Variants in LDLRAD4 observed in about 807,000 individuals in gnomAD.
The protein encoded by LDLRAD4 is low-density lipoprotein receptor class A domain-containing protein 4.
LDLRAD4 carries 5 observed loss-of-function variants against 17.0 expected under a neutral mutation model. The observed-to-expected ratio is 0.29, with a 90% CI of 0.15 to 0.62. The LOEUF (loss-of-function observed/expected upper bound fraction) is 0.62. Among genes scored for constraint, LDLRAD4 ranks in the 20% least tolerant of loss-of-function variants. The probability of loss-of-function intolerance (pLI) is 0.84; values close to 1 mark genes in which losing one functional copy is unlikely to be tolerated. For missense variants in LDLRAD4, 340 were observed against 424.7 expected (o/e 0.80, Z 1.75); for synonymous variants, 168 against 171.8 (o/e 0.98, Z 0.17).
chr18:13,300,561 T>C lies in LDLRAD4; in HGVS notation c.-383+22373T>C, dbSNP rs1360567941. 6.6e-6 allele frequency among the ~76,000 whole-genome samples: 1 copy of C among 152,194 alleles called. No individual in the cohort carries two copies. The highest frequency in any genetic ancestry group is 6.5e-5 in the Admixed American group (1 of 15,284). ...CCCGGTAGAGATACCCGGAACCCTC[T>C]CCTTCTCCTGGCTTATTTCGGGGTG... On this transcript the variant is annotated intron_variant, in intron 1 of 5. Transcript: ENST00000359446. This position sits in a 1 kb window ranked among gnomAD's most constrained non-coding sequence, Gnocchi z 4.2.
intron 2 of LDLRAD4, among the ~76,000 whole-genome samples, chr18:13,392,664 C>T (rs1322165187): frequency 2.0e-5 from 3 of 152,186 alleles, no homozygotes; most frequent in African/African-American, 4.8e-5. Flanking sequence ...GCTTGAGATT[C>T]TGCCTCTTCC....
intron 3 of LDLRAD4, among the ~76,000 whole-genome samples, chr18:13,446,751 C>T (rs2091434558): frequency 6.6e-6 from 1 of 152,242 alleles, no homozygotes; most frequent in African/African-American, 2.4e-5. Context: ...CCATCACCAT[C>T]CCCGCTTCAC....
chr18:13,517,482 G>A (rs1481561071), intron 3 of LDLRAD4, among the ~76,000 whole-genome samples: 3 of 152,208 alleles, frequency 2.0e-5, no homozygotes, highest in Non-Finnish European at 4.4e-5. Flanking sequence ...AAGTCTGCTG[G>A]TGAGGCTTCC....
exon 6 of LDLRAD4, chr18:13,650,389 T>C (rs1293462499): frequency 5.0e-6 from 2 of 399,218 alleles, no homozygotes; most frequent in Non-Finnish European, 4.4e-6. Context: ...TTTTGTGTAA[T>C]GCGGGAGAGG....
chr18:13,604,879 TG>T (rs2095205200), intron 3 of LDLRAD4, among the ~76,000 whole-genome samples: 1 of 151,976 alleles, frequency 6.6e-6, no homozygotes, highest in Admixed American at 6.6e-5. Flanking sequence ...AAGAAACATT[TG>T]GGGGCGTGCC....
intron 3 of LDLRAD4, chr18:13,514,416 T>C (rs2093831598): frequency 6.6e-6 from 1 of 152,192 alleles, no homozygotes; most frequent in Admixed American, 6.5e-5. Flanking sequence ...AAAGCTTCCT[T>C]CCTCCATTTA....
chr18:13,219,214 G>T (rs1295929984), intron 1 of LDLRAD4, among the ~76,000 whole-genome samples: 1 of 152,096 alleles, frequency 6.6e-6, no homozygotes, highest in Non-Finnish European at 1.5e-5. Flanking sequence ...CCTACCTGGA[G>T]GGACACCTCG....
intron 1 of LDLRAD4, among the ~76,000 whole-genome samples, chr18:13,345,222 C>T (rs1207596394): frequency 1.3e-5 from 2 of 152,170 alleles, no homozygotes; most frequent in African/African-American, 2.4e-5. Context: ...GTGGGTTTGT[C>T]ATAGATAGCT....
At chr18:13,629,933 T>C (rs1242311058) in intron 4 of LDLRAD4, among the ~76,000 whole-genome samples, 1 of 152,144 alleles carries the variant, frequency 6.6e-6, no homozygotes, top group Non-Finnish European at 1.5e-5. Flanking sequence ...CCCTCTGAGC[T>C]CTGACTTCTT....
chr18:13,466,354 C>T (rs2092614656), intron 3 of LDLRAD4, among the ~76,000 whole-genome samples: 1 of 151,234 alleles, frequency 6.6e-6, no homozygotes, highest in Admixed American at 6.6e-5. Flanking sequence ...CCTTTGGTCC[C>T]AGCTACTTGG....
intron 1 of LDLRAD4, among the ~76,000 whole-genome samples, chr18:13,269,685 AGTCAG>A (rs1325770823): frequency 6.6e-6 from 1 of 151,870 alleles, no homozygotes; most frequent in East Asian, 1.9e-4. Flanking sequence ...TCACACTTGG[AGTCAG>A]TCTGAGTCGG....
At chr18:13,387,688 C>T (rs754870494) in exon 2 of LDLRAD4, 1 of 1,611,388 alleles carries the variant, frequency 6.2e-7, no homozygotes, top group Admixed American at 1.7e-5. Flanking sequence ...CGGGACAGCG[C>T]AAGAGTTGGA....
At chr18:13,643,281 T>C in intron 4 of LDLRAD4, 78 bp from the exon 6 acceptor site, 2 of 928,518 alleles carry the variant, frequency 2.2e-6, no homozygotes, top group Non-Finnish European at 3.2e-6. Flanking sequence ...TTGTGCTTCA[T>C]GTTTTTAGGT....
intron 4 of LDLRAD4, among the ~76,000 whole-genome samples, chr18:13,635,239 C>T (rs1227430815): frequency 1.3e-5 from 2 of 152,142 alleles, no homozygotes; most frequent in Non-Finnish European, 1.5e-5. Context: ...CGGTTGGGTT[C>T]GGATGAGGCC....
At chr18:13,273,290 G>A (rs1168972963), upstream of LDLRAD4, among the ~76,000 whole-genome samples, 1 of 152,046 alleles carries the variant, frequency 6.6e-6, no homozygotes, top group African/African-American at 2.4e-5. Flanking sequence ...CTGTCTCTGG[G>A]CCTCCTTGTG....
intron 1 of LDLRAD4, among the ~76,000 whole-genome samples, chr18:13,229,504 A>G (rs553013690): frequency 1.3e-5 from 2 of 152,214 alleles, no homozygotes; most frequent in Non-Finnish European, 2.9e-5. Flanking sequence ...CTGCACTGGC[A>G]CAGTCAGAGA....
chr18:13,326,659 G>T (rs2081554041), intron 1 of LDLRAD4, among the ~76,000 whole-genome samples: 1 of 152,220 alleles, frequency 6.6e-6, no homozygotes. Flanking sequence ...CTTTTCTGCG[G>T]GGTTTGGCTG....
intron 1 of LDLRAD4, among the ~76,000 whole-genome samples, chr18:13,225,605 A>G (rs2041741826): frequency 1.3e-5 from 2 of 152,250 alleles, no homozygotes; most frequent in Non-Finnish European, 2.9e-5. Context: ...GTCTTGGGGT[A>G]GCTGCTCCTA....
intron 1 of LDLRAD4, among the ~76,000 whole-genome samples, chr18:13,335,492 T>A (rs1373867975): frequency 6.6e-6 from 1 of 152,252 alleles, no homozygotes; most frequent in Non-Finnish European, 1.5e-5. Context: ...TTTTTGCTGG[T>A]TGTATGATTT....
Sources: gnomAD v4.1 joint callset for allele counts (sites outside exome capture counted in the v4.1 genomes callset) on GRCh38, gnomAD v4.1.1 for gene constraint, Gnocchi (gnomAD v3.1) non-coding constraint, MANE v1.5 for transcripts, NCBI Gene and HGNC (gene_info 2026-07-23, HGNC 2026-07-21) for gene names.